The following ESR2 variants were observed in gnomAD, a reference collection of about 807,000 sequenced individuals.
The protein encoded by ESR2 is estrogen receptor beta.
In ESR2, 36 loss-of-function variants were observed where a neutral mutation model predicts 49.6. That is an observed-to-expected ratio of 0.73 (90% CI 0.56 to 0.96). The LOEUF (loss-of-function observed/expected upper bound fraction) is 0.96. Ranked by LOEUF, ESR2 falls within the 40% of genes least tolerant of loss-of-function variation. The pLI is 0.00. For synonymous variants in ESR2, 320 were observed against 266.1 expected (o/e 1.20, Z -1.97); for missense variants, 714 against 693.0 (o/e 1.03, Z -0.34).
Position 64,315,302 on chromosome 14 carries a change from GA to G in ESR2, c.-91+22595del, listed in dbSNP as rs2077240769. On this transcript the variant is annotated intron_variant, in intron 1 of 8. Transcript: ENST00000358599. ...AGAAGACGCTAGTTACCAGTATTCA[GA>G]ATGCAAGGTCTATTACTACAGACTA... Among the ~76,000 whole-genome samples, 3 of 145,164 alleles carry G rather than the reference GA, an allele frequency of 2.1e-5. No homozygotes were observed. In the Admixed American group the frequency reaches 2.1e-4, roughly 10 times the overall value.
intron 7 of ESR2, among the ~76,000 whole-genome samples, chr14:64,246,254 G>C (rs1002034792): frequency 6.6e-6 from 1 of 152,176 alleles, no homozygotes; most frequent in Non-Finnish European, 1.5e-5. Flanking sequence ...TCAAGAGAGA[G>C]ACCAGGTGGA....
At chr14:64,290,805 AC>A (rs552549654) in intron 1 of ESR2, among the ~76,000 whole-genome samples, 5 of 152,328 alleles carry the variant, frequency 3.3e-5, no homozygotes, top group African/African-American at 1.2e-4. Context: ...ATCATTAATA[AC>A]TGATTTGCAT....
At chr14:64,277,195 CCAA>C (rs1205287060) in intron 3 of ESR2, among the ~76,000 whole-genome samples, 1 of 152,090 alleles carries the variant, frequency 6.6e-6, no homozygotes, top group Non-Finnish European at 1.5e-5. Flanking sequence ...TGTGAAGAAG[CCAA>C]CAAAGTATCA....
At chr14:64,313,295 G>T (rs555667023) in intron 1 of ESR2, among the ~76,000 whole-genome samples, 1 of 152,280 alleles carries the variant, frequency 6.6e-6, no homozygotes, top group East Asian at 1.9e-4. Context: ...CATTTTGGGA[G>T]GCCAAGGCGG....
At position 64,229,581 on chromosome 14, in the gene ESR2, AG is replaced by A. The variant is rs2098725324; in HGVS notation, c.*3555del. 6.6e-6 allele frequency among the ~76,000 whole-genome samples: 1 copy of A among 152,190 alleles called. No individual in the cohort carries two copies. Among genetic ancestry groups the A allele is most frequent in the Non-Finnish European group, 1.5e-5 (1 of 68,040 alleles). ...CCGTGCATGTCAGGTTGCACCTGATAGATTCTGCAGTTTTAAAATATTTTTC... is the reference window on the plus strand; with the variant it reads ...CCGTGCATGTCAGGTTGCACCTGATAATTCTGCAGTTTTAAAATATTTTTC... On this transcript the variant is annotated 3_prime_UTR_variant, in exon 9 of 9. Transcript: ENST00000341099.
At chr14:64,244,817 T>C (rs1392716691) in intron 7 of ESR2, among the ~76,000 whole-genome samples, 1 of 152,220 alleles carries the variant, frequency 6.6e-6, no homozygotes, top group Non-Finnish European at 1.5e-5. Context: ...TTTATCTGCC[T>C]ACCTACCTAT....
At chr14:64,258,662 T>C (rs2140718463) in intron 5 of ESR2, among the ~76,000 whole-genome samples, 1 of 152,288 alleles carries the variant, frequency 6.6e-6, no homozygotes, top group East Asian at 1.9e-4. Context: ...CAAATCTGCC[T>C]CAAGGAGAAT....
In ESR2 at chr14:64,247,575, C is replaced by T. The variant is rs959431703; in HGVS notation, c.1225+1971G>A. Among the ~76,000 whole-genome samples, 3 of 152,066 alleles carry T rather than the reference C, an allele frequency of 2.0e-5. No individual in the cohort carries two copies. The East Asian group carries it at 5.8e-4, about 29-fold the overall frequency. ...ACTCTAAGATTGGATAAATAAGGCC[C>T]AATATGTTGTCTAAATAGAGATATC... On this transcript the variant is annotated intron_variant, in intron 7 of 8. Transcript: ENST00000341099.
Position 64,232,783 on chromosome 14 carries a change from G to A in ESR2, c.*354C>T, listed in dbSNP as rs752035108. On this transcript the variant is annotated 3_prime_UTR_variant, in exon 9 of 9. Coordinates refer to ENST00000341099, the MANE Select transcript of ESR2 (RefSeq NM_001437.3). Reference sequence around the variant, plus strand: ...GCGTGTCACTTCCTCTCCCCTTTCTGATTCGCAGCCCTTCCAAGTCAGATT... The same window carrying A: ...GCGTGTCACTTCCTCTCCCCTTTCTAATTCGCAGCCCTTCCAAGTCAGATT... 49 of 200,388 alleles carry A rather than the reference G, an allele frequency of 2.4e-4. No homozygotes were observed. Among genetic ancestry groups the A allele is most frequent in the Non-Finnish European group, 4.3e-4 (42 of 98,504 alleles). 12.4% of individuals were successfully genotyped at this position (200,388 alleles called of 1,614,324 possible).
chr14:64,232,912 G>A lies in ESR2; in HGVS notation c.*225C>T. ...AGATCCTATGAGGCCATTGAGTGTG[G>A]AAACGCTGCATTCAAATGTGCCCTC... On this transcript the variant is annotated 3_prime_UTR_variant, in exon 9 of 9. Transcript: ENST00000341099. The A allele has an allele frequency of 1.2e-6, 1 of 803,580 alleles. No individual in the cohort carries two copies. Among genetic ancestry groups the A allele is most frequent in the Non-Finnish European group, 1.8e-6 (1 of 560,560 alleles). The allele number at this position is 803,580 out of a possible 1,614,324, so 49.8% of individuals were successfully genotyped here. A position where few individuals can be genotyped will look rare whatever the true frequency, so the allele number is the denominator to read the frequency against.
At chr14:64,244,724 T>C (rs965523525) in intron 7 of ESR2, among the ~76,000 whole-genome samples, 30 of 152,228 alleles carry the variant, frequency 2.0e-4, no homozygotes, top group Non-Finnish European at 2.9e-5. Flanking sequence ...GCTTCCCTGG[T>C]TCACTAGCAT....
intron 1 of ESR2, among the ~76,000 whole-genome samples, chr14:64,323,770 C>G (rs768690993): frequency 6.6e-6 from 1 of 152,204 alleles, no homozygotes; most frequent in Non-Finnish European, 1.5e-5. Context: ...CAGCTCACTG[C>G]AACCTCCACT....
chr14:64,302,161 TTTA>T (rs1283778355), intron 1 of ESR2, among the ~76,000 whole-genome samples: 9 of 25,208 alleles, frequency 3.6e-4, no homozygotes, highest in African/African-American at 2.0e-3. Context: ...ATTTTTTATT[TTTA>T]TTTATTTATT....
At chr14:64,265,850 G>A (rs2076318856) in intron 4 of ESR2, among the ~76,000 whole-genome samples, 1 of 152,142 alleles carries the variant, frequency 6.6e-6, no homozygotes, top group Admixed American at 6.5e-5. Flanking sequence ...TGGTGCAGGA[G>A]GATCCAACAA....
At chr14:64,270,069 G>A (rs763386114) in intron 3 of ESR2, among the ~76,000 whole-genome samples, 1 of 151,918 alleles carries the variant, frequency 6.6e-6, no homozygotes, top group Non-Finnish European at 1.5e-5. Flanking sequence ...AAGTGAATAG[G>A]GCATTTTAGT....
intron 1 of ESR2, among the ~76,000 whole-genome samples, chr14:64,300,261 G>C (rs1340074343): frequency 6.6e-6 from 1 of 152,166 alleles, no homozygotes; most frequent in Non-Finnish European, 1.5e-5. Flanking sequence ...ATGCACACCT[G>C]CCTCCTTGCA....
At chr14:64,306,885 C>G (rs566930783) in intron 1 of ESR2, among the ~76,000 whole-genome samples, 21 of 152,260 alleles carry the variant, frequency 1.4e-4, no homozygotes, top group African/African-American at 4.8e-4. Context: ...TATAATTCAC[C>G]ACTGAAGCCA....
chr14:64,255,334 C>CAATG (rs10629775), intron 6 of ESR2, among the ~76,000 whole-genome samples: 3,285 of 151,954 alleles, frequency 0.022, 96 homozygotes, highest in African/African-American at 0.074. Context: ...AAGCAGAATA[C>CAATG]AATGAATGAA....
At chr14:64,298,007 G>A (rs941777028), upstream of ESR2, among the ~76,000 whole-genome samples, 2 of 152,116 alleles carry the variant, frequency 1.3e-5, no homozygotes, top group Admixed American at 6.5e-5. Flanking sequence ...TTAATTGAAC[G>A]TGCAATAACA....
Sources: gnomAD v4.1 joint callset for allele counts (sites outside exome capture counted in the v4.1 genomes callset) on GRCh38, gnomAD v4.1.1 for gene constraint, MANE v1.5 for transcripts, NCBI Gene and HGNC (gene_info 2026-07-23, HGNC 2026-07-21) for gene names.